Variants in LDLRAD3 observed in about 807,000 individuals in gnomAD.
LDLRAD3 encodes low density lipoprotein receptor class A domain containing 3, also known as low-density lipoprotein receptor class A domain-containing protein 3.
In LDLRAD3, 20 loss-of-function variants were observed where a neutral mutation model predicts 29.4. The ratio of observed to expected loss-of-function variants is 0.68; its 90% confidence interval spans 0.48 to 0.99. The LOEUF (loss-of-function observed/expected upper bound fraction) is 0.99. Among genes scored for constraint, LDLRAD3 ranks in the 50% least tolerant of loss-of-function variants. The pLI, the probability that LDLRAD3 is intolerant of heterozygous loss-of-function variation, is 0.00. For missense variants in LDLRAD3, 420 were observed against 454.3 expected, an observed-to-expected ratio of 0.92 and a Z score of 0.69; for synonymous variants, 157 against 192.7, an observed-to-expected ratio of 0.81 and a Z score of 1.53.
In LDLRAD3 at chr11:36,215,445, G is replaced by C. The variant is rs544237291; in HGVS notation, c.455-11640G>C. ...GTGGAGGCAGGTGGAAGGGACAGTG[G>C]CTGGGAACAGGGAGATTATGAAGCA... On this transcript the variant is annotated intron_variant, in intron 4 of 5. Coordinates refer to ENST00000315571, the MANE Select transcript of LDLRAD3 (RefSeq NM_174902.4). Among the ~76,000 whole-genome samples, 14 of 152,298 alleles carry C rather than the reference G, an allele frequency of 9.2e-5. No homozygotes were observed. The East Asian group carries it at 2.7e-3, about 29-fold the overall frequency.
intron 1 of LDLRAD3, chr11:36,001,223 T>A (rs1851819941): frequency 6.6e-6 from 1 of 152,232 alleles, no homozygotes; most frequent in Non-Finnish European, 1.5e-5. Flanking sequence ...TATTATACTT[T>A]TAAGTTTTAG....
intron 2 of LDLRAD3, among the ~76,000 whole-genome samples, chr11:36,054,093 C>A (rs534605822): frequency 6.6e-6 from 1 of 152,202 alleles, no homozygotes; most frequent in Admixed American, 6.5e-5. Flanking sequence ...ACTTTCCCTG[C>A]GCTCTCTGTT....
intron 1 of LDLRAD3, among the ~76,000 whole-genome samples, chr11:36,018,038 G>T (rs982100750): frequency 6.6e-6 from 1 of 152,142 alleles, no homozygotes; most frequent in Non-Finnish European, 1.5e-5. Context: ...GTTTATCATG[G>T]ATCCTGTTTA....
In LDLRAD3 at chr11:36,150,501, G is replaced by A. The variant is rs112169627; in HGVS notation, c.454+52040G>A. Among the ~76,000 whole-genome samples, 883 of 151,656 alleles carry A rather than the reference G, an allele frequency of 5.8e-3. 8 individuals are homozygous for A. The highest frequency in any genetic ancestry group is 0.021 in the African/African-American group (848 of 41,326). On this transcript the variant is annotated intron_variant, in intron 4 of 5. Coordinates refer to ENST00000315571, the MANE Select transcript of LDLRAD3 (RefSeq NM_174902.4). ...TATAATTGTACCAGTGCACTCCAGC[G>A]TGGGTGGTAGAGCGAGACCTTGTCT...
At chr11:35,948,777 T>C (rs1851093210) in intron 1 of LDLRAD3, among the ~76,000 whole-genome samples, 1 of 152,112 alleles carries the variant, frequency 6.6e-6, no homozygotes, top group Non-Finnish European at 1.5e-5. Flanking sequence ...GTTTCTCAGC[T>C]TTGGTACCAA....
chr11:35,970,906 G>A (rs919799066), intron 1 of LDLRAD3, among the ~76,000 whole-genome samples: 2 of 152,126 alleles, frequency 1.3e-5, no homozygotes, highest in African/African-American at 2.4e-5. Flanking sequence ...TTGACTCTGG[G>A]GGAACCTTTA....
chr11:36,227,306 C>G lies in LDLRAD3; in HGVS notation c.676C>G (p.Pro226Ala). ...LLSRLVVLDH[P>A]HHCNVTYNVN... Reference sequence around the variant, plus strand: ...GTCCCGCCTGGTGGTCCTGGACCACCCCCACCACTGCAACGTCACCTACAA... The same window carrying G: ...GTCCCGCCTGGTGGTCCTGGACCACGCCCACCACTGCAACGTCACCTACAA... The change falls in exon 5 of 6, where the codon CCC becomes GCC. Residue 226 changes from proline (P) to alanine (A), a missense_variant. By Grantham distance (27) the Pro-to-Ala change is conservative (BLOSUM62 -1). Around this residue, in one of 3 missense-constraint regions of LDLRAD3, gnomAD observed 56 missense variants for 92.2 expected, o/e 0.61. Transcript: ENST00000315571. 6.2e-7 allele frequency: 1 copy of G among 1,614,116 alleles called. No individual in the cohort carries two copies. Among genetic ancestry groups the G allele is most frequent in the East Asian group, 2.2e-5 (1 of 44,874 alleles).
chr11:36,025,215 T>C (rs1852147850), intron 1 of LDLRAD3, among the ~76,000 whole-genome samples: 1 of 152,290 alleles, frequency 6.6e-6, no homozygotes, highest in South Asian at 2.1e-4. Flanking sequence ...CATATGTCTT[T>C]CATAGGGTTT....
At chr11:36,111,744 C>T (rs1008211647) in intron 4 of LDLRAD3, among the ~76,000 whole-genome samples, 4 of 152,144 alleles carry the variant, frequency 2.6e-5, no homozygotes, top group Non-Finnish European at 4.4e-5. Flanking sequence ...GGATTACAGG[C>T]GCCTGCCACC....
intron 1 of LDLRAD3, among the ~76,000 whole-genome samples, chr11:35,976,584 C>A (rs556458228): frequency 1.3e-5 from 2 of 152,152 alleles, no homozygotes; most frequent in East Asian, 3.9e-4. Context: ...CCCTCATTTC[C>A]TCCCCTCCTG....
chr11:36,105,368 A>G (rs2133281543), intron 4 of LDLRAD3, among the ~76,000 whole-genome samples: 1 of 152,154 alleles, frequency 6.6e-6, no homozygotes, highest in Non-Finnish European at 1.5e-5. Context: ...CCCCTGTGCC[A>G]GGCCCCTGGC....
chr11:36,085,705 G>A (rs893504659), intron 3 of LDLRAD3, among the ~76,000 whole-genome samples: 61 of 151,984 alleles, frequency 4.0e-4, no homozygotes, highest in Non-Finnish European at 1.5e-4. Flanking sequence ...TCAACTTCCT[G>A]AGCTCCAGTG....
intron 4 of LDLRAD3, among the ~76,000 whole-genome samples, chr11:36,170,321 T>TGTATATAG (rs769956268): frequency 3.4e-5 from 5 of 148,590 alleles, no homozygotes; most frequent in African/African-American, 1.2e-4. Context: ...TACGTATATA[T>TGTATATAG]GTATATATGT....
At chr11:36,219,111 T>A (rs903405267) in intron 4 of LDLRAD3, among the ~76,000 whole-genome samples, 1 of 152,260 alleles carries the variant, frequency 6.6e-6, no homozygotes, top group South Asian at 2.1e-4. Context: ...CATTCATTCA[T>A]TGACATATTG....
chr11:36,020,094 A>T (rs1425904163), intron 1 of LDLRAD3, among the ~76,000 whole-genome samples: 2 of 152,134 alleles, frequency 1.3e-5, no homozygotes, highest in Non-Finnish European at 2.9e-5. Flanking sequence ...GGAGTTCTGG[A>T]GGCAAGCTTT....
intron 4 of LDLRAD3, among the ~76,000 whole-genome samples, chr11:36,135,450 T>C (rs1853989938): frequency 6.6e-6 from 1 of 152,198 alleles, no homozygotes; most frequent in South Asian, 2.1e-4. Context: ...CTGTTCCCAT[T>C]CTGAGTCTTC....
intron 3 of LDLRAD3, among the ~76,000 whole-genome samples, chr11:36,083,588 A>G (rs1246318883): frequency 1.3e-5 from 2 of 152,130 alleles, no homozygotes; most frequent in Admixed American, 6.6e-5. Context: ...AAACTGTAAG[A>G]GAAGACCATA....
chr11:35,944,465 TTG>T lies in LDLRAD3; in HGVS notation c.46+329_46+330del, dbSNP rs1376758697. Among the ~76,000 whole-genome samples, 19 of 151,752 alleles carry T rather than the reference TTG, an allele frequency of 1.3e-4. No homozygotes were observed. In the East Asian group the frequency reaches 3.3e-3, roughly 27 times the overall value. The stretch of plus-strand genomic sequence containing the variant: ...TAGCTCGAGTGTGGCTGTGTGTGTG[TTG>T]TGTGTGTTGAGGAACGGAGGCGGGG... On this transcript the variant is annotated intron_variant, in intron 1 of 5. Coordinates refer to ENST00000315571, the MANE Select transcript of LDLRAD3 (RefSeq NM_174902.4). This position sits in a 1 kb window ranked among gnomAD's most constrained non-coding sequence, Gnocchi z 4.9.
In LDLRAD3 at chr11:36,229,393, T is replaced by C; in HGVS notation, c.1034T>C (p.Val345Ala). 5 of 1,603,916 alleles carry C rather than the reference T, an allele frequency of 3.1e-6. No homozygotes were observed. Among genetic ancestry groups the C allele is most frequent in the Non-Finnish European group, 4.3e-6 (5 of 1,171,570 alleles). The change falls in exon 6 of 6, where the codon GTA (valine) becomes GCA (alanine). Residue 345 changes from valine to alanine, a missense_variant. Transcript: ENST00000315571. Reference sequence around the variant, plus strand: ...GAGCCCAGCCAGGGCACTGAAGAAGTATAAGTCCCAGTTATTCCAAAGTCC... The same window carrying C: ...GAGCCCAGCCAGGGCACTGAAGAAGCATAAGTCCCAGTTATTCCAAAGTCC... ...DSEPSQGTEE[V>A]
Sources: allele counts gnomAD v4.1 joint callset (sites outside exome capture counted in the v4.1 genomes callset), GRCh38; gene constraint gnomAD v4.1.1; regional missense constraint gnomAD v4.1.1; non-coding constraint Gnocchi (gnomAD v3.1); transcripts MANE v1.5; gene names NCBI Gene and HGNC (gene_info 2026-07-23, HGNC 2026-07-21).